Variants in MYO3A observed in about 807,000 individuals in gnomAD.
MYO3A encodes the protein myosin IIIA, also known as myosin-IIIa.
In MYO3A, 180 loss-of-function variants were observed where a neutral mutation model predicts 192.7. The observed-to-expected ratio is 0.93, with a 90% CI of 0.83 to 1.06. The LOEUF (loss-of-function observed/expected upper bound fraction) is 1.06, where lower values mean the gene tolerates loss of function less well. Ranked by LOEUF, MYO3A falls within the 50% of genes least tolerant of loss-of-function variation. The pLI is 0.00. For synonymous variants in MYO3A, 628 were observed against 645.3 expected, an observed-to-expected ratio of 0.97 and a Z score of 0.41; for missense variants, 1,896 against 1,905.0, an observed-to-expected ratio of 1.00 and a Z score of 0.09.
chr10:25,972,377 C>G (rs1335856823), intron 4 of MYO3A, among the ~76,000 whole-genome samples: 1 of 151,940 alleles, frequency 6.6e-6, no homozygotes. Context: ...TCCTCTAGTT[C>G]TTTAAACATA....
chr10:25,995,130 G>A lies in MYO3A; in HGVS notation c.304-1360G>A, dbSNP rs185072805. Among the ~76,000 whole-genome samples, 34 of 152,256 alleles carry A rather than the reference G, an allele frequency of 2.2e-4. No individual in the cohort carries two copies. In the East Asian group the frequency reaches 6.6e-3, roughly 29 times the overall value. On this transcript the variant is annotated intron_variant, in intron 4 of 34. Coordinates refer to ENST00000642920, the MANE Select transcript of MYO3A (RefSeq NM_017433.5). ...TTTCCAACTTGGTTCCATTGTCCCTGCCACTTTCAGGTACACCAATCAGAC... is the reference window on the plus strand; with the variant it reads ...TTTCCAACTTGGTTCCATTGTCCCTACCACTTTCAGGTACACCAATCAGAC...
chr10:26,154,629 G>C lies in MYO3A; in HGVS notation c.2716-117G>C, dbSNP rs11014972. 2.6e-3 allele frequency: 2,304 copies of C among 880,430 alleles called. 36 individuals are homozygous for C. The African/African-American group carries it at 0.031, about 12-fold the overall frequency. The allele number at this position is 880,430 out of a possible 1,614,324, so 54.5% of individuals were successfully genotyped here. On this transcript the variant is annotated intron_variant, in intron 24 of 34. Coordinates refer to ENST00000642920, the MANE Select transcript of MYO3A (RefSeq NM_017433.5). The stretch of plus-strand genomic sequence containing the variant: ...AAAGGAAGAATATCAACATTTTGCT[G>C]TTTTACATATTTGAATGCATAAACT...
Position 26,157,514 on chromosome 10 carries a change from C to G in MYO3A, c.2998C>G (p.Arg1000Gly). Residue 1000 changes from arginine to glycine, a missense_variant and splice_region_variant, in exon 26 of 35, where the codon CGG becomes GGG. Transcript: ENST00000642920. The part of the protein sequence containing the change: ...HRILFANFIK[R>G]YYLLCYKSSE... Reference sequence around the variant, plus strand: ...GATACTTTTTGCTAACTTTATAAAGCGGTATGTGGATTTCTTTTTCAGTTT... The same window carrying G: ...GATACTTTTTGCTAACTTTATAAAGGGGTATGTGGATTTCTTTTTCAGTTT... The G allele has an allele frequency of 6.2e-7, 1 of 1,612,412 alleles. No individual in the cohort carries two copies. The highest frequency in any genetic ancestry group is 8.5e-7 in the Non-Finnish European group (1 of 1,178,594).
chr10:26,163,493 TA>T (rs1431098736), intron 26 of MYO3A, among the ~76,000 whole-genome samples: 2 of 152,108 alleles, frequency 1.3e-5, no homozygotes, highest in African/African-American at 2.4e-5. Flanking sequence ...TCAATTAAGG[TA>T]ATGGCAGCAG....
chr10:26,083,124 T>A (rs2131475288), intron 14 of MYO3A, among the ~76,000 whole-genome samples: 1 of 152,336 alleles, frequency 6.6e-6, no homozygotes, highest in South Asian at 2.1e-4. Flanking sequence ...CTTTGTTGTA[T>A]TCGAATTGTC....
intron 10 of MYO3A, among the ~76,000 whole-genome samples, chr10:26,053,381 A>C (rs1022941528): frequency 6.6e-6 from 1 of 152,190 alleles, no homozygotes; most frequent in African/African-American, 2.4e-5. Context: ...ATTTGTGAGA[A>C]TCTGATCTAG....
At chr10:26,072,637 A>T (rs1835277472) in intron 14 of MYO3A, among the ~76,000 whole-genome samples, 1 of 151,972 alleles carries the variant, frequency 6.6e-6, no homozygotes, top group Non-Finnish European at 1.5e-5. Flanking sequence ...TCAGGAGGGA[A>T]CTCAGATAAA....
At chr10:26,199,859 C>T (rs1041805429) in intron 32 of MYO3A, among the ~76,000 whole-genome samples, 10 of 152,082 alleles carry the variant, frequency 6.6e-5, no homozygotes, top group African/African-American at 2.4e-4. Context: ...ACAAAAGGGA[C>T]TTTTTTTCAG....
Position 26,068,880 on chromosome 10 carries a change from C to G in MYO3A, c.1166C>G (p.Thr389Arg), listed in dbSNP as rs1489515238. 6.4e-7 allele frequency: 1 copy of G among 1,558,210 alleles called. No homozygotes were observed. Residue 389 changes from threonine to arginine, a missense_variant, in exon 12 of 35, where the codon ACA becomes AGA. Physicochemically the swap from Thr to Arg is moderately conservative, Grantham distance 71. Coordinates refer to ENST00000642920, the MANE Select transcript of MYO3A (RefSeq NM_017433.5). ...NPFQSLGLYS[T>R]KHSKLYIGSK... ...TTTCAGAGTCTGGGTCTTTACTCCA[C>G]AAAGGTATGTCGTATGGGGTGCATT...
intron 4 of MYO3A, among the ~76,000 whole-genome samples, chr10:25,995,310 T>G (rs1840353530): frequency 6.6e-6 from 1 of 152,248 alleles, no homozygotes; most frequent in South Asian, 2.1e-4. Flanking sequence ...TTGCTGAAGC[T>G]TGTGCATTCA....
chr10:25,969,323 T>C (rs7085573), intron 4 of MYO3A, among the ~76,000 whole-genome samples: 4,595 of 152,290 alleles, frequency 0.03, 224 homozygotes, highest in African/African-American at 0.1. Flanking sequence ...TCTCTTACTG[T>C]ACCTAGTTTA....
intron 17 of MYO3A, among the ~76,000 whole-genome samples, chr10:26,119,133 C>G (rs1050358014): frequency 2.6e-5 from 4 of 152,158 alleles, no homozygotes; most frequent in Admixed American, 6.6e-5. Context: ...ATTCAGGCCT[C>G]AACTTCCTGA....
At position 26,068,811 on chromosome 10, in the gene MYO3A, A is replaced by G. The variant is rs1461725600; in HGVS notation, c.1097A>G (p.Gln366Arg). Residue 366 changes from glutamine (Q) to arginine (R), a missense_variant, in exon 12 of 35, where the codon CAG becomes CGG. Coordinates refer to ENST00000642920, the MANE Select transcript of MYO3A (RefSeq NM_017433.5). Reference protein sequence around the residue: ...EQLEKCYSRDQIYVYVGDILI... With the variant: ...EQLEKCYSRDRIYVYVGDILI... Reference sequence around the variant, plus strand: ...CTTGAGAAGTGTTATTCCAGAGATCAGATCTACGTCTATGTGGGAGACATA... The same window carrying G: ...CTTGAGAAGTGTTATTCCAGAGATCGGATCTACGTCTATGTGGGAGACATA... The G allele has an allele frequency of 6.3e-7, 1 of 1,598,420 alleles. No individual in the cohort carries two copies. Among genetic ancestry groups the G allele is most frequent in the Admixed American group, 1.7e-5 (1 of 59,980 alleles).
intron 11 of MYO3A, among the ~76,000 whole-genome samples, chr10:26,067,279 T>C (rs1444099332): frequency 6.6e-6 from 1 of 152,246 alleles, no homozygotes; most frequent in Non-Finnish European, 1.5e-5. Context: ...ATCTTCAGTT[T>C]TAATCTATAT....
intron 32 of MYO3A, among the ~76,000 whole-genome samples, chr10:26,195,512 G>T (rs17667121): frequency 0.65 from 98,276 of 151,994 alleles, 32,704 homozygotes; most frequent in African/African-American, 0.82. Flanking sequence ...TTTCTGTTAC[G>T]TCTCACTGTC....
intron 10 of MYO3A, among the ~76,000 whole-genome samples, chr10:26,060,723 T>C (rs1034317529): frequency 3.3e-5 from 5 of 152,166 alleles, no homozygotes; most frequent in African/African-American, 1.2e-4. Context: ...TATTCACTGA[T>C]GTATAAAGAT....
At chr10:26,071,621 A>T (rs1434979716) in intron 14 of MYO3A, among the ~76,000 whole-genome samples, 1 of 152,214 alleles carries the variant, frequency 6.6e-6, no homozygotes, top group Admixed American at 6.5e-5. Flanking sequence ...TATTTGCAAG[A>T]CACACAACTA....
chr10:26,204,642 G>T (rs773249626), intron 34 of MYO3A: 1 of 152,216 alleles, frequency 6.6e-6, no homozygotes, highest in South Asian at 2.1e-4. Flanking sequence ...ACTGCAAAGA[G>T]TCACCTAGAT....
At chr10:26,016,658 C>T (rs1026003323) in intron 6 of MYO3A, among the ~76,000 whole-genome samples, 162 bp from the exon 7 acceptor site, 1 of 152,128 alleles carries the variant, frequency 6.6e-6, no homozygotes, top group African/African-American at 2.4e-5. Flanking sequence ...GTTTTTGGCT[C>T]TGCAGAAATC....
Sources: gnomAD v4.1 joint callset for allele counts (sites outside exome capture counted in the v4.1 genomes callset) on GRCh38, gnomAD v4.1.1 for gene constraint, MANE v1.5 for transcripts, NCBI Gene and HGNC (gene_info 2026-07-23, HGNC 2026-07-21) for gene names.